Variants in PAK3 observed in about 807,000 individuals in gnomAD.
PAK3 encodes the protein serine/threonine-protein kinase PAK 3.
A neutral mutation model predicts 41.0 loss-of-function variants in PAK3; 4 were observed. The ratio of observed to expected loss-of-function variants is 0.10; its 90% CI spans 0.05 to 0.22. The LOEUF is 0.22. Ranked by LOEUF, PAK3 falls within the 10% of genes least tolerant of loss-of-function variation. The probability of loss-of-function intolerance (pLI) is 1.00; values close to 1 mark genes in which losing one functional copy is unlikely to be tolerated. For missense variants in PAK3, 205 were observed against 409.9 expected (o/e 0.50, Z 4.32); for synonymous variants, 146 against 139.6 (o/e 1.05, Z -0.32).
chrX:111,189,586 G>A (rs1352976449), intron 11 of PAK3, among the ~76,000 whole-genome samples: 1 of 111,604 alleles, frequency 9.0e-6, no homozygotes, highest in Admixed American at 9.5e-5. Context: ...GCCAACATCT[G>A]TTGTTTTTTG....
At position 111,106,437 on chromosome X, in the gene PAK3, CT is replaced by C. The variant is rs756077693; in HGVS notation, c.-28+3132del. Reference sequence around the variant, plus strand: ...TCTCACTTACATTGATACACTTACACTGACACACCTGTTCAGGAAGTCAAAC... The same window carrying C: ...TCTCACTTACATTGATACACTTACACGACACACCTGTTCAGGAAGTCAAAC... On this transcript the variant is annotated intron_variant, in intron 4 of 17. Coordinates refer to ENST00000372007, the MANE Select transcript of PAK3 (RefSeq NM_002578.5). Among the ~76,000 whole-genome samples the C allele has an allele frequency of 2.7e-5, 3 of 111,749 alleles. No homozygotes were observed. In the South Asian group the frequency reaches 1.1e-3, roughly 43 times the overall value.
chrX:111,119,169 A>G (rs2093523701), intron 4 of PAK3, among the ~76,000 whole-genome samples: 2 of 111,990 alleles, frequency 1.8e-5, no homozygotes, highest in South Asian at 7.6e-4. Context: ...GCCTATCATG[A>G]AACAAGAGGC....
At chrX:111,070,039 A>G (rs961972630) in intron 1 of PAK3, among the ~76,000 whole-genome samples, 6 of 110,979 alleles carry the variant, frequency 5.4e-5, no homozygotes, top group Non-Finnish European at 9.4e-5. Flanking sequence ...TTTCTGTTTT[A>G]TGGTCAATTT....
intron 1 of PAK3, among the ~76,000 whole-genome samples, chrX:111,067,210 G>T (rs776746312): frequency 2.7e-5 from 3 of 111,762 alleles, no homozygotes; most frequent in Non-Finnish European, 5.7e-5. Flanking sequence ...TGAATAGTAA[G>T]TGGTAATAGT....
chrX:111,118,257 A>G (rs2093502120), intron 4 of PAK3, among the ~76,000 whole-genome samples: 1 of 111,479 alleles, frequency 9.0e-6, no homozygotes, highest in Non-Finnish European at 1.9e-5. Context: ...TTTGTAAATA[A>G]CGCATCTAAG....
intron 4 of PAK3, among the ~76,000 whole-genome samples, chrX:111,121,383 C>A (rs1484519083): frequency 8.9e-6 from 1 of 111,823 alleles, no homozygotes; most frequent in Non-Finnish European, 1.9e-5. Context: ...GATGGAGAAG[C>A]TATTAATTGA....
At chrX:110,974,050 C>T (rs1409560029) in intron 1 of PAK3, among the ~76,000 whole-genome samples, 1 of 111,483 alleles carries the variant, frequency 9.0e-6, no homozygotes, top group Admixed American at 9.5e-5. Flanking sequence ...ACAGGAGCAC[C>T]CAGATTCATA....
At chrX:111,035,230 T>C (rs1227966150) in intron 1 of PAK3, among the ~76,000 whole-genome samples, 2 of 109,877 alleles carry the variant, frequency 1.8e-5, no homozygotes, top group African/African-American at 6.7e-5. Flanking sequence ...GTTGTGAGGC[T>C]CAACTAAGAT....
chrX:111,083,051 G>A (rs1393284604), intron 1 of PAK3, among the ~76,000 whole-genome samples: 1 of 112,232 alleles, frequency 8.9e-6, no homozygotes, highest in Non-Finnish European at 1.9e-5. Context: ...TTTCTCCCAA[G>A]GTGATTTAAT....
intron 1 of PAK3, among the ~76,000 whole-genome samples, chrX:111,017,889 G>A (rs952793660): frequency 9.0e-6 from 1 of 111,056 alleles, no homozygotes; most frequent in East Asian, 2.8e-4. Flanking sequence ...TATGCCTTGA[G>A]TAAGTGGGAT....
intron 1 of PAK3, among the ~76,000 whole-genome samples, chrX:110,958,624 G>T (rs1326096927): frequency 8.9e-6 from 1 of 111,985 alleles, no homozygotes; most frequent in Non-Finnish European, 1.9e-5. Context: ...GTCCATTTAT[G>T]GACATGGGGA....
intron 4 of PAK3, among the ~76,000 whole-genome samples, chrX:111,107,287 G>A (rs2093285934): frequency 8.9e-6 from 1 of 112,156 alleles, no homozygotes; most frequent in Admixed American, 9.5e-5. Flanking sequence ...AAAGGAAAGA[G>A]AAGGTTAATG....
At chrX:111,148,218 G>T (rs760512081) in intron 7 of PAK3, among the ~76,000 whole-genome samples, 2 of 111,922 alleles carry the variant, frequency 1.8e-5, no homozygotes, top group South Asian at 3.8e-4. Context: ...AGTAAGAGTT[G>T]TATGTATGAA....
intron 1 of PAK3, among the ~76,000 whole-genome samples, chrX:111,079,617 C>T (rs2148836628): frequency 8.9e-6 from 1 of 112,353 alleles, no homozygotes; most frequent in South Asian, 3.7e-4. Context: ...CACAACATCT[C>T]TTCTGCAGCC....
At chrX:111,151,643 T>C (rs952225599) in intron 7 of PAK3, among the ~76,000 whole-genome samples, 5 of 112,272 alleles carry the variant, frequency 4.5e-5, no homozygotes, top group African/African-American at 6.5e-5. Context: ...TACTGAACCT[T>C]ATGTATATCA....
In PAK3 at chrX:111,160,879, G is replaced by T. The variant is rs750071176; in HGVS notation, c.469-2036G>T. 5.8e-3 allele frequency among the ~76,000 whole-genome samples: 606 copies of T among 105,230 alleles called. 6 individuals are homozygous for T. Among genetic ancestry groups the T allele is most frequent in the African/African-American group, 0.019 (554 of 29,887 alleles). The allele number at this position is 105,230 out of a possible 115,157, so 91.4% of individuals were successfully genotyped here. A position where few individuals can be genotyped will look rare whatever the true frequency, so the allele number is the denominator to read the frequency against. ...CCAGTCTATCATTGTTGGACATTTG[G>T]GTTGGTTCCAAGTCTTTGCTATTGT... On this transcript the variant is annotated intron_variant, in intron 8 of 17. Coordinates refer to ENST00000372007, the MANE Select transcript of PAK3 (RefSeq NM_002578.5).
intron 1 of PAK3, among the ~76,000 whole-genome samples, chrX:110,999,385 C>T (rs2091805150): frequency 8.9e-6 from 1 of 111,950 alleles, no homozygotes; most frequent in East Asian, 2.8e-4. Context: ...CAGTGGGGCT[C>T]TTGCATGGTG....
At chrX:111,032,244 T>A (rs1418536381) in intron 1 of PAK3, among the ~76,000 whole-genome samples, 1 of 112,306 alleles carries the variant, frequency 8.9e-6, no homozygotes, top group African/African-American at 3.2e-5. Flanking sequence ...GCCACCATGT[T>A]GGCAGCTTTC....
intron 4 of PAK3, among the ~76,000 whole-genome samples, chrX:111,121,979 G>A (rs1330428843): frequency 9.0e-6 from 1 of 110,977 alleles, no homozygotes; most frequent in Non-Finnish European, 1.9e-5. Flanking sequence ...ACTTGGCCAG[G>A]CGCAGTGGCT....
Sources: allele counts gnomAD v4.1 joint callset (sites outside exome capture counted in the v4.1 genomes callset), GRCh38; gene constraint gnomAD v4.1.1; transcripts MANE v1.5; gene names NCBI Gene and HGNC (gene_info 2026-07-23, HGNC 2026-07-21).